The following PLPPR1 variants were observed in gnomAD, a reference collection of about 807,000 sequenced individuals.
The protein encoded by PLPPR1 is phospholipid phosphatase-related protein type 1.
In PLPPR1, 10 loss-of-function variants were observed where a neutral mutation model predicts 33.1. The ratio of observed to expected loss-of-function variants is 0.30; its 90% CI spans 0.19 to 0.51. PLPPR1 has a LOEUF of 0.51. Ranked by LOEUF, PLPPR1 falls within the 20% of genes least tolerant of loss-of-function variation. PLPPR1 has a pLI of 0.97. For missense variants in PLPPR1, 304 were observed against 408.1 expected, an observed-to-expected ratio of 0.74 and a Z score of 2.20; for synonymous variants, 151 against 151.0, an observed-to-expected ratio of 1.00 and a Z score of 0.00.
At chr9:101,221,628 G>A (rs1004187037) in intron 2 of PLPPR1, among the ~76,000 whole-genome samples, 1 of 152,158 alleles carries the variant, frequency 6.6e-6, no homozygotes, top group Non-Finnish European at 1.5e-5. Flanking sequence ...CCCTGAGGTA[G>A]GTATTGCCAC....
intron 4 of PLPPR1, among the ~76,000 whole-genome samples, chr9:101,302,614 G>C (rs1016141304): frequency 6.6e-6 from 1 of 152,202 alleles, no homozygotes; most frequent in African/African-American, 2.4e-5. Flanking sequence ...GTTGGTGGTT[G>C]AATCAGAATG....
intron 1 of PLPPR1, among the ~76,000 whole-genome samples, chr9:101,124,730 G>A (rs901896613): frequency 2.6e-5 from 4 of 152,124 alleles, no homozygotes; most frequent in Admixed American, 6.6e-5. Flanking sequence ...CAGATGTTTC[G>A]TGGGCACCCA....
rs1161047064 is a variant in PLPPR1, at chr9:101,067,584, GA to G, written c.-46+38483del. On this transcript the variant is annotated intron_variant, in intron 1 of 7. Coordinates refer to ENST00000374874, the MANE Select transcript of PLPPR1 (RefSeq NM_207299.2). ...GCCAGAAAGAACTCTTGAAAGAACAGAGGAAAAGTCAAATGCTTTTTATTCT... is the reference window on the plus strand; with the variant it reads ...GCCAGAAAGAACTCTTGAAAGAACAGGGAAAAGTCAAATGCTTTTTATTCT... Among the ~76,000 whole-genome samples the G allele has an allele frequency of 5.9e-5, 9 of 152,210 alleles. No individual in the cohort carries two copies. The East Asian group carries it at 1.7e-3, about 29-fold the overall frequency.
intron 1 of PLPPR1, among the ~76,000 whole-genome samples, chr9:101,170,055 G>A (rs932208010): frequency 2.0e-5 from 3 of 151,960 alleles, no homozygotes; most frequent in African/African-American, 4.8e-5. Flanking sequence ...ATCAAATGAT[G>A]GAGCTGAGTA....
chr9:101,205,534 G>A (rs1564175176), intron 2 of PLPPR1, among the ~76,000 whole-genome samples: 1 of 152,090 alleles, frequency 6.6e-6, no homozygotes, highest in Non-Finnish European at 1.5e-5. Context: ...GTTGTTATTT[G>A]GGGACATCAT....
intron 7 of PLPPR1, 121 bp from the exon 8 acceptor site, chr9:101,323,904 G>A (rs1269472393): frequency 6.1e-6 from 4 of 655,886 alleles, no homozygotes; most frequent in Non-Finnish European, 7.8e-6. Flanking sequence ...AGCATATTAG[G>A]GGGACGGAAC....
intron 4 of PLPPR1, among the ~76,000 whole-genome samples, chr9:101,303,119 T>TA (rs561026820): frequency 1.2e-3 from 178 of 151,672 alleles, no homozygotes; most frequent in Non-Finnish European, 1.9e-3. Context: ...CCTGAGTAGC[T>TA]GGGATTACAG....
At chr9:101,058,638 A>G (rs776945470) in intron 1 of PLPPR1, among the ~76,000 whole-genome samples, 15 of 152,180 alleles carry the variant, frequency 9.9e-5, no homozygotes, top group Non-Finnish European at 1.8e-4. Flanking sequence ...AATGATACCC[A>G]GGATAGCATA....
chr9:101,231,182 C>T (rs1827176917), intron 2 of PLPPR1, among the ~76,000 whole-genome samples: 1 of 151,892 alleles, frequency 6.6e-6, no homozygotes, highest in Non-Finnish European at 1.5e-5. Flanking sequence ...AAAACTTTCA[C>T]TGTATCCCTT....
chr9:101,291,827 G>A (rs10123108), intron 4 of PLPPR1, among the ~76,000 whole-genome samples: 3 of 151,974 alleles, frequency 2.0e-5, no homozygotes, highest in East Asian at 1.9e-4. Flanking sequence ...TAGATAAAAC[G>A]ACAAAGATGG....
chr9:101,111,414 T>A (rs2118575602), intron 1 of PLPPR1, among the ~76,000 whole-genome samples: 2 of 152,328 alleles, frequency 1.3e-5, no homozygotes, highest in Middle Eastern at 6.8e-3. Context: ...TGCAATAGAA[T>A]TTATATGTAA....
At chr9:101,194,533 T>A (rs931324701) in intron 2 of PLPPR1, among the ~76,000 whole-genome samples, 11 of 152,144 alleles carry the variant, frequency 7.2e-5, no homozygotes, top group Admixed American at 5.2e-4. Context: ...GCAGATCACC[T>A]GAGGTCAAGA....
chr9:101,056,978 C>A (rs536742358), intron 1 of PLPPR1, among the ~76,000 whole-genome samples: 52 of 152,192 alleles, frequency 3.4e-4, no homozygotes, highest in Non-Finnish European at 6.9e-4. Context: ...CATTACTCAA[C>A]CCCCCAGCCC....
chr9:101,252,023 A>T (rs1231494618), intron 2 of PLPPR1, among the ~76,000 whole-genome samples: 1 of 152,164 alleles, frequency 6.6e-6, no homozygotes, highest in African/African-American at 2.4e-5. Context: ...TCCAATTTAC[A>T]TATTTATATA....
At chr9:101,198,858 A>C (rs1484190388) in intron 2 of PLPPR1, among the ~76,000 whole-genome samples, 1 of 152,244 alleles carries the variant, frequency 6.6e-6, no homozygotes, top group African/African-American at 2.4e-5. Context: ...TGAGACAGGG[A>C]GTAGTGACAG....
Position 101,312,910 on chromosome 9 carries a change from A to G in PLPPR1, c.749A>G (p.Tyr250Cys), listed in dbSNP as rs768359809. Residue 250 changes from tyrosine (Y) to cysteine (C), a missense_variant, in exon 6 of 8, where the codon TAT becomes TGT. Coordinates refer to ENST00000374874, the MANE Select transcript of PLPPR1 (RefSeq NM_207299.2). Reference protein sequence around the residue: ...FLTGLNRVSEYRNHCSDVIAG... With the variant: ...FLTGLNRVSECRNHCSDVIAG... Reference sequence around the variant, plus strand: ...ACAGGCCTCAACCGGGTCTCTGAGTATCGGAACCACTGCTCGGACGTGATT... The same window carrying G: ...ACAGGCCTCAACCGGGTCTCTGAGTGTCGGAACCACTGCTCGGACGTGATT... The G allele has an allele frequency of 1.2e-6, 2 of 1,614,190 alleles. No individual in the cohort carries two copies. Among genetic ancestry groups the G allele is most frequent in the East Asian group, 2.2e-5 (1 of 44,862 alleles).
In PLPPR1 at chr9:101,064,500, C is replaced by A. The variant is rs1032951858; in HGVS notation, c.-46+35398C>A. Among the ~76,000 whole-genome samples, 10 of 152,100 alleles carry A rather than the reference C, an allele frequency of 6.6e-5. 1 individual carries two copies. The Middle Eastern group carries it at 0.02, about 310-fold the overall frequency. On this transcript the variant is annotated intron_variant, in intron 1 of 7. Transcript: ENST00000374874. ...ACAGAAGCTGCAGGTTTCCAAAGATCAAGTATTCCTGTGAGCCAGTCAGAA... is the reference window on the plus strand; with the variant it reads ...ACAGAAGCTGCAGGTTTCCAAAGATAAAGTATTCCTGTGAGCCAGTCAGAA...
rs200017233 is a variant in PLPPR1, at chr9:101,306,773, TAC to T, written c.386-2436_386-2435del. 7.2e-3 allele frequency among the ~76,000 whole-genome samples: 1,091 copies of T among 152,318 alleles called. 6 individuals carry two copies. Among genetic ancestry groups the T allele is most frequent in the African/African-American group, 0.017 (695 of 41,568 alleles). On this transcript the variant is annotated intron_variant, in intron 4 of 7. Coordinates refer to ENST00000374874, the MANE Select transcript of PLPPR1 (RefSeq NM_207299.2). ...AAGAATTTTAGACTCCAAGCCAAGA[TAC>T]AGAGACATTTTTAAAACATCTTCAA...
intron 1 of PLPPR1, among the ~76,000 whole-genome samples, chr9:101,145,758 G>T (rs1241313699): frequency 2.6e-5 from 4 of 151,246 alleles, no homozygotes; most frequent in African/African-American, 9.7e-5. Flanking sequence ...GGTGGCTCAT[G>T]CCTACCATCC....
Sources: gnomAD v4.1 joint callset for allele counts (sites outside exome capture counted in the v4.1 genomes callset) on GRCh38, gnomAD v4.1.1 for gene constraint, MANE v1.5 for transcripts, NCBI Gene and HGNC (gene_info 2026-07-23, HGNC 2026-07-21) for gene names.